SV2C: variants seen among roughly 807,000 people sequenced by gnomAD.
The protein encoded by SV2C is solute carrier family 22 member B3.
Under a neutral mutation model 79.7 loss-of-function variants are expected in SV2C, and 49 were observed. The ratio of observed to expected loss-of-function variants is 0.61; its 90% confidence interval spans 0.49 to 0.78. The LOEUF is 0.78. Ranked by LOEUF, SV2C falls within the 30% of genes least tolerant of loss-of-function variation. The pLI, the probability that SV2C is intolerant of heterozygous loss-of-function variation, is 0.00. For synonymous variants in SV2C, 334 were observed against 333.2 expected, an observed-to-expected ratio of 1.00 and a Z score of -0.03; for missense variants, 833 against 912.9, an observed-to-expected ratio of 0.91 and a Z score of 1.13.
At chr5:76,086,507 G>A (rs1021466207) in intron 1 of SV2C, among the ~76,000 whole-genome samples, 5 of 152,234 alleles carry the variant, frequency 3.3e-5, no homozygotes, top group Middle Eastern at 3.4e-3. Context: ...ATACACCAGC[G>A]TATTTCTTGG....
the SV2C span, among the ~76,000 whole-genome samples, chr5:75,880,734 C>T: frequency 2.0e-5 from 3 of 152,334 alleles, no homozygotes; most frequent in South Asian, 4.1e-4. Flanking sequence ...ACTCTTCCAA[C>T]CTGTGCCTGT....
At chr5:76,317,972 G>A (rs1561314790) in intron 12 of SV2C, among the ~76,000 whole-genome samples, 2 of 152,114 alleles carry the variant, frequency 1.3e-5, no homozygotes, top group East Asian at 1.9e-4. Context: ...ATTTTTCAGT[G>A]TCCTTTTCTT....
At chr5:75,855,954 G>A in the SV2C span, among the ~76,000 whole-genome samples, 179 of 152,012 alleles carry the variant, frequency 1.2e-3, 6 homozygotes, top group South Asian at 0.036. Context: ...TCCCCACTAC[G>A]CTTCCTAGCC....
chr5:76,151,440 A>G (rs1258006816), intron 2 of SV2C, among the ~76,000 whole-genome samples: 1 of 152,066 alleles, frequency 6.6e-6, no homozygotes, highest in Admixed American at 6.5e-5. Context: ...CATTTGGGAG[A>G]CTGCTGTGTG....
the SV2C span, among the ~76,000 whole-genome samples, chr5:75,896,915 G>A: frequency 4.1e-5 from 6 of 145,668 alleles, no homozygotes; most frequent in African/African-American, 1.4e-4. Context: ...TGATGGGGTT[G>A]TTTGTTTTTT....
the SV2C span, among the ~76,000 whole-genome samples, chr5:75,916,740 G>C: frequency 6.6e-6 from 1 of 152,162 alleles, no homozygotes; most frequent in Non-Finnish European, 1.5e-5. Context: ...CTCCCAAAGT[G>C]CTGGGACTGC....
At chr5:76,348,825 C>T (rs536791917) in intron 12 of SV2C, among the ~76,000 whole-genome samples, 1 of 151,954 alleles carries the variant, frequency 6.6e-6, no homozygotes, top group Non-Finnish European at 1.5e-5. Context: ...ATGGTGAAAC[C>T]CCATCTCTAC....
At chr5:75,944,900 A>C in the SV2C span, among the ~76,000 whole-genome samples, 1 of 152,168 alleles carries the variant, frequency 6.6e-6, no homozygotes, top group African/African-American at 2.4e-5. Flanking sequence ...CCCAAAAAAG[A>C]TGGACTGTCT....
chr5:76,336,104 C>A (rs1580085855), downstream of SV2C, among the ~76,000 whole-genome samples: 1 of 50,942 alleles, frequency 2.0e-5, no homozygotes. Flanking sequence ...GGGGGTCTGA[C>A]CCCCCCCACC....
the SV2C span, among the ~76,000 whole-genome samples, chr5:76,054,443 G>A: frequency 2.0e-5 from 3 of 152,136 alleles, no homozygotes; most frequent in Non-Finnish European, 4.4e-5. Flanking sequence ...AAATAGTGCT[G>A]CAATAAACAT....
intron 11 of SV2C, 105 bp downstream of exon 11, chr5:76,301,037 A>G: frequency 1.6e-6 from 2 of 1,287,122 alleles, no homozygotes; most frequent in Non-Finnish European, 2.2e-6. Flanking sequence ...TCCAATAAGG[A>G]GAAATCCTTT....
At chr5:75,850,989 A>G in the SV2C span, among the ~76,000 whole-genome samples, 2 of 152,196 alleles carry the variant, frequency 1.3e-5, no homozygotes, top group Non-Finnish European at 2.9e-5. Flanking sequence ...CTCATAGCTT[A>G]TCTGCTTTCT....
chr5:76,276,509 G>T (rs940933233), intron 4 of SV2C, among the ~76,000 whole-genome samples: 2 of 152,132 alleles, frequency 1.3e-5, no homozygotes, highest in South Asian at 2.1e-4. Flanking sequence ...TGTATTTCTT[G>T]TAGAGACGAG....
At chr5:75,871,871 T>C in the SV2C span, among the ~76,000 whole-genome samples, 1 of 115,966 alleles carries the variant, frequency 8.6e-6, no homozygotes, top group Middle Eastern at 4.0e-3. Flanking sequence ...ATATATATTT[T>C]TATTATTATT....
the SV2C span, among the ~76,000 whole-genome samples, chr5:76,008,620 A>C: frequency 6.6e-6 from 1 of 152,060 alleles, no homozygotes; most frequent in East Asian, 1.9e-4. Context: ...ATCTCCTCCC[A>C]GTTTTCACAC....
intron 1 of SV2C, among the ~76,000 whole-genome samples, chr5:76,116,073 C>G (rs995640127): frequency 2.6e-4 from 39 of 152,214 alleles, no homozygotes; most frequent in Non-Finnish European, 5.4e-4. Context: ...CCTCCTGCAC[C>G]CTATAACCCT....
At chr5:76,341,018 C>A (rs1409116227) in intron 12 of SV2C, among the ~76,000 whole-genome samples, 1 of 150,118 alleles carries the variant, frequency 6.7e-6, no homozygotes, top group Non-Finnish European at 1.5e-5. Flanking sequence ...GCATCTTCTG[C>A]CTCCCAGGTT....
chr5:75,917,262 A>G, the SV2C span, among the ~76,000 whole-genome samples: 1 of 152,186 alleles, frequency 6.6e-6, no homozygotes, highest in Non-Finnish European at 1.5e-5. Context: ...TAAAAAACCC[A>G]AACAGTGAAT....
At chr5:76,042,939 C>A in the SV2C span, among the ~76,000 whole-genome samples, 1 of 152,204 alleles carries the variant, frequency 6.6e-6, no homozygotes, top group Non-Finnish European at 1.5e-5. Flanking sequence ...TTTCTTCTCC[C>A]TTGAACCTAG....
Sources: gnomAD v4.1 joint callset for allele counts (sites outside exome capture counted in the v4.1 genomes callset) on GRCh38, gnomAD v4.1.1 for gene constraint, MANE v1.5 for transcripts, NCBI Gene and HGNC (gene_info 2026-07-23, HGNC 2026-07-21) for gene names.